The following MCPH1 variants were observed in gnomAD, a reference collection of about 807,000 sequenced individuals.
The protein encoded by MCPH1 is microcephalin.
MCPH1 carries 104 observed loss-of-function variants against 84.5 expected under a neutral mutation model. That is an observed-to-expected ratio of 1.23 (90% CI 1.05 to 1.45). The LOEUF (loss-of-function observed/expected upper bound fraction) is 1.45. Among genes scored for constraint, MCPH1 ranks in the 40% most tolerant of loss-of-function variants. The pLI, the probability that MCPH1 is intolerant of heterozygous loss-of-function variation, is 0.00. For missense variants in MCPH1, 1,498 were observed against 1,005.7 expected, an observed-to-expected ratio of 1.49 and a Z score of -6.62; for synonymous variants, 514 against 366.8, an observed-to-expected ratio of 1.40 and a Z score of -4.58.
chr8:6,520,114 G>C (rs1046297922), intron 12 of MCPH1: 34 of 1,115,262 alleles, frequency 3.0e-5, no homozygotes, highest in Non-Finnish European at 4.1e-5. Flanking sequence ...GCAAAAGGCT[G>C]TACCACTTTT....
chr8:6,524,619 G>C lies in MCPH1; in HGVS notation c.2214+24690G>C, dbSNP rs527699155. Reference sequence around the variant, plus strand: ...CCTACCATGTACGAGGTGTTTTTTAGGGTTTTGGAGAAAAATCAAGAAATG... The same window carrying C: ...CCTACCATGTACGAGGTGTTTTTTACGGTTTTGGAGAAAAATCAAGAAATG... On this transcript the variant is annotated intron_variant, in intron 12 of 13. Coordinates refer to ENST00000344683, the MANE Select transcript of MCPH1 (RefSeq NM_024596.5). Among the ~76,000 whole-genome samples, 30 of 152,242 alleles carry C rather than the reference G, an allele frequency of 2.0e-4. No homozygotes were observed. In the South Asian group the frequency reaches 6.0e-3, roughly 30 times the overall value.
chr8:6,544,729 A>G (rs1002653564), intron 12 of MCPH1, among the ~76,000 whole-genome samples: 12 of 152,216 alleles, frequency 7.9e-5, no homozygotes, highest in African/African-American at 2.7e-4. Context: ...ATTCATTAAG[A>G]TAAAGACACA....
At chr8:6,448,757 C>G (rs1804723393) in intron 8 of MCPH1, among the ~76,000 whole-genome samples, 1 of 152,080 alleles carries the variant, frequency 6.6e-6, no homozygotes, top group Admixed American at 6.5e-5. Context: ...ATATTGGTAC[C>G]AGTAAATCTT....
At chr8:6,576,977 C>T (rs866357581) in intron 12 of MCPH1, among the ~76,000 whole-genome samples, 6 of 152,098 alleles carry the variant, frequency 3.9e-5, no homozygotes, top group African/African-American at 9.7e-5. Flanking sequence ...GCCCATTCTG[C>T]GGAATTCCTT....
intron 12 of MCPH1, among the ~76,000 whole-genome samples, chr8:6,511,896 C>G (rs978001071): frequency 8.0e-6 from 1 of 125,004 alleles, no homozygotes; most frequent in Non-Finnish European, 1.8e-5. Context: ...AATTTTTGTG[C>G]TTCTTTTTTT....
chr8:6,611,425 A>T (rs1352221629), intron 12 of MCPH1, among the ~76,000 whole-genome samples: 3 of 152,216 alleles, frequency 2.0e-5, no homozygotes, highest in Non-Finnish European at 4.4e-5. Flanking sequence ...AAACTCAGAG[A>T]AACACTTAAC....
intron 4 of MCPH1, among the ~76,000 whole-genome samples, chr8:6,435,256 T>A (rs953988591): frequency 6.6e-6 from 1 of 152,010 alleles, no homozygotes; most frequent in Non-Finnish European, 1.5e-5. Flanking sequence ...GAGGATGACG[T>A]GAGAATAGTG....
At chr8:6,504,088 G>A (rs1449797338) in intron 12 of MCPH1, among the ~76,000 whole-genome samples, 1 of 152,188 alleles carries the variant, frequency 6.6e-6, no homozygotes, top group African/African-American at 2.4e-5. Context: ...GGAGGCCGAG[G>A]TGGGTGGATC....
intron 12 of MCPH1, among the ~76,000 whole-genome samples, chr8:6,547,666 G>A (rs1004150282): frequency 1.3e-4 from 20 of 152,022 alleles, no homozygotes; most frequent in African/African-American, 4.3e-4. Flanking sequence ...GTGACGGTGT[G>A]TGACACACAG....
At chr8:6,503,261 C>G (rs1226522487) in intron 12 of MCPH1, 1 of 1,614,054 alleles carries the variant, frequency 6.2e-7, no homozygotes, top group Non-Finnish European at 8.5e-7. Context: ...AAACCACCAG[C>G]CTGTGAAAGT....
At chr8:6,551,607 A>G (rs1823664270) in intron 12 of MCPH1, among the ~76,000 whole-genome samples, 1 of 152,166 alleles carries the variant, frequency 6.6e-6, no homozygotes, top group African/African-American at 2.4e-5. Flanking sequence ...CACTGTTAAG[A>G]ACATGTCACT....
chr8:6,447,167 C>A, intron 8 of MCPH1: 1 of 985,380 alleles, frequency 1.0e-6, no homozygotes. Context: ...TAAATCGAAC[C>A]CTTTTATAGT....
chr8:6,472,951 C>G (rs1324110681), intron 9 of MCPH1, among the ~76,000 whole-genome samples: 2 of 152,132 alleles, frequency 1.3e-5, no homozygotes, highest in Non-Finnish European at 2.9e-5. Flanking sequence ...AGAGAGGTAA[C>G]ATGATTGTAA....
At chr8:6,641,132 GT>G (rs1265693556) in intron 13 of MCPH1, among the ~76,000 whole-genome samples, 1 of 151,682 alleles carries the variant, frequency 6.6e-6, no homozygotes, top group Non-Finnish European at 1.5e-5. Flanking sequence ...TAAACATGTC[GT>G]TTTCTTTTTG....
chr8:6,514,676 C>A, intron 12 of MCPH1: 1 of 1,613,326 alleles, frequency 6.2e-7, no homozygotes, highest in South Asian at 1.1e-5. Context: ...AATGTCCTTA[C>A]CACTTTATAT....
At position 6,609,867 on chromosome 8, in the gene MCPH1, G is replaced by C. The variant is rs149872755; in HGVS notation, c.2215-11587G>C. On this transcript the variant is annotated intron_variant, in intron 12 of 13. Transcript: ENST00000344683. Reference sequence around the variant, plus strand: ...CCAGGTAAACCACAGAGGGTGAGGGGGGTGCAGGTCATGGTTGCCTTATTA... The same window carrying C: ...CCAGGTAAACCACAGAGGGTGAGGGCGGTGCAGGTCATGGTTGCCTTATTA... Among the ~76,000 whole-genome samples, 707 of 151,158 alleles carry C rather than the reference G, an allele frequency of 4.7e-3. 9 individuals carry two copies. Among genetic ancestry groups the C allele is most frequent in the African/African-American group, 0.016 (668 of 41,206 alleles).
intron 9 of MCPH1, among the ~76,000 whole-genome samples, chr8:6,462,096 G>C (rs1266626006): frequency 6.6e-6 from 1 of 152,164 alleles, no homozygotes. Flanking sequence ...GTTTACAGAG[G>C]CTTTCCTAAG....
intron 3 of MCPH1, among the ~76,000 whole-genome samples, chr8:6,424,185 A>G (rs575780735): frequency 6.6e-6 from 1 of 152,220 alleles, no homozygotes; most frequent in Non-Finnish European, 1.5e-5. Flanking sequence ...TTGGATGTAG[A>G]AATTTTTACC....
chr8:6,558,989 T>C (rs73507193), intron 12 of MCPH1, among the ~76,000 whole-genome samples: 9,027 of 152,246 alleles, frequency 0.059, 754 homozygotes, highest in African/African-American at 0.18. Context: ...CTGTCTCTTC[T>C]ACATTCCTTA....
Sources: gnomAD v4.1 joint callset for allele counts (sites outside exome capture counted in the v4.1 genomes callset) on GRCh38, gnomAD v4.1.1 for gene constraint, MANE v1.5 for transcripts, NCBI Gene and HGNC (gene_info 2026-07-23, HGNC 2026-07-21) for gene names.